Variants in KMT2E observed in about 807,000 individuals in gnomAD.
KMT2E encodes histone reader KMT2E.
A neutral mutation model predicts 184.6 loss-of-function variants in KMT2E; 30 were observed. The observed-to-expected ratio is 0.16, with a 90% CI of 0.12 to 0.22. The LOEUF (loss-of-function observed/expected upper bound fraction) is 0.22, where lower values mean the gene tolerates loss of function less well. KMT2E is among the 10% of genes least tolerant of loss of function. The pLI, the probability that KMT2E is intolerant of heterozygous loss-of-function variation, is 1.00. For missense variants in KMT2E, 2,023 were observed against 2,237.4 expected, an observed-to-expected ratio of 0.90 and a Z score of 1.93; for synonymous variants, 815 against 776.5, an observed-to-expected ratio of 1.05 and a Z score of -0.82.
At chr7:105,047,842 A>G (rs1450789014) in intron 3 of KMT2E, among the ~76,000 whole-genome samples, 4 of 152,212 alleles carry the variant, frequency 2.6e-5, no homozygotes, top group Non-Finnish European at 5.9e-5. Flanking sequence ...AAAATATATA[A>G]AACAGATAAA....
At chr7:105,019,705 C>T (rs896932060) in intron 1 of KMT2E, among the ~76,000 whole-genome samples, 8 of 152,048 alleles carry the variant, frequency 5.3e-5, no homozygotes, top group African/African-American at 1.9e-4. Context: ...TTTATTTTTA[C>T]GACAATTGGA....
chr7:105,087,293 T>G (rs1798022405), intron 13 of KMT2E, among the ~76,000 whole-genome samples: 1 of 147,390 alleles, frequency 6.8e-6, no homozygotes, highest in East Asian at 1.9e-4. Context: ...TGATATAATA[T>G]ATATAATATA....
chr7:105,021,117 A>G (rs1584685315), intron 1 of KMT2E, among the ~76,000 whole-genome samples: 1 of 152,200 alleles, frequency 6.6e-6, no homozygotes, highest in South Asian at 2.1e-4. Flanking sequence ...AGTGGCTGAG[A>G]TGGGAAGATT....
rs1445680545 is a variant in KMT2E, at chr7:105,109,110, G to A, written c.3637G>A (p.Ala1213Thr). The A allele has an allele frequency of 6.2e-7, 1 of 1,614,176 alleles. No homozygotes were observed. Among genetic ancestry groups the A allele is most frequent in the South Asian group, 1.1e-5 (1 of 91,078 alleles). The change falls in exon 23 of 27, where the codon GCT becomes ACT. Residue 1213 changes from alanine to threonine, a missense_variant. By Grantham distance (58) the Ala-to-Thr change is moderately conservative. Around this residue, in one of 8 missense-constraint regions of KMT2E, gnomAD observed 1,108 missense variants for 1,050.9 expected, o/e 1.05. Transcript: ENST00000311117. ...CAATGGGGAGCAGGTGGACCACACT[G>A]CTAGCCTACCTTTACCAACACCAGC... ...NDNGEQVDHT[A>T]SLPLPTPATV... is the part of the protein sequence containing the mutation.
intron 15 of KMT2E, chr7:105,091,716 C>CA (rs761405130): frequency 0.04 from 5,747 of 142,634 alleles, 26 homozygotes; most frequent in East Asian, 0.089. Context: ...ATTGCTTATG[C>CA]AAAAAAAAAA....
intron 13 of KMT2E, among the ~76,000 whole-genome samples, chr7:105,086,894 ATATATAT>A (rs1797990130): frequency 1.2e-5 from 1 of 80,214 alleles, no homozygotes; most frequent in African/African-American, 1.3e-4. Context: ...ATATTATAGC[ATATATAT>A]TATATATTAT....
intron 13 of KMT2E, among the ~76,000 whole-genome samples, chr7:105,083,034 C>T (rs766182629): frequency 6.6e-6 from 1 of 152,152 alleles, no homozygotes; most frequent in Non-Finnish European, 1.5e-5. Flanking sequence ...CTGTATTCTT[C>T]CTTCATCCCC....
chr7:105,108,046 T>C (rs1165463462), intron 22 of KMT2E, 121 bp downstream of exon 22: 7 of 642,226 alleles, frequency 1.1e-5, no homozygotes, highest in Non-Finnish European at 1.6e-5. Flanking sequence ...TAAAGTTACA[T>C]TTTTAATATT....
rs1418474415 is a variant in KMT2E, at chr7:105,051,088, TC to T, written c.71+10066del. 2.9e-3 allele frequency among the ~76,000 whole-genome samples: 400 copies of T among 138,622 alleles called. 3 individuals are homozygous for T. The highest frequency in any genetic ancestry group is 4.2e-3 in the Non-Finnish European group (257 of 61,600). The allele number at this position is 138,622 out of a possible 152,430, so 90.9% of individuals were successfully genotyped here. On this transcript the variant is annotated intron_variant, in intron 3 of 26. Transcript: ENST00000311117. ...CTTTCTTTCTTTCTTCTTCTTTCTTTCTTTTTTCTCTCTCTCTCTCTTTCTT... is the reference window on the plus strand; with the variant it reads ...CTTTCTTTCTTTCTTCTTCTTTCTTTTTTTTTCTCTCTCTCTCTCTTTCTT...
At chr7:105,072,490 A>G (rs972453127) in intron 6 of KMT2E, among the ~76,000 whole-genome samples, 1 of 152,172 alleles carries the variant, frequency 6.6e-6, no homozygotes, top group Non-Finnish European at 1.5e-5. Context: ...AATAATCTAG[A>G]GCTCTTATTT....
chr7:105,048,039 G>C (rs184316599), intron 3 of KMT2E, among the ~76,000 whole-genome samples: 3 of 151,636 alleles, frequency 2.0e-5, no homozygotes, highest in African/African-American at 4.8e-5. Context: ...CTTTTTTTTG[G>C]GGGGTGGATA....
intron 12 of KMT2E, among the ~76,000 whole-genome samples, chr7:105,080,134 A>C (rs925902275): frequency 1.5e-4 from 23 of 152,172 alleles, no homozygotes; most frequent in African/African-American, 4.8e-4. Flanking sequence ...GGCATGAGCC[A>C]CCAGGTCCAG....
At chr7:105,016,779 T>C (rs73718216) in intron 1 of KMT2E, among the ~76,000 whole-genome samples, 1,601 of 152,326 alleles carry the variant, frequency 0.011, 21 homozygotes, top group African/African-American at 0.037. Flanking sequence ...TTCATGATTC[T>C]TTTATTCCAT....
chr7:105,052,650 C>G (rs1333350456), intron 3 of KMT2E, among the ~76,000 whole-genome samples: 2 of 152,092 alleles, frequency 1.3e-5, no homozygotes, highest in African/African-American at 2.4e-5. Context: ...CTTCTGCATC[C>G]TGGGTTCAAG....
At position 105,106,019 on chromosome 7, in the gene KMT2E, CAG is replaced by C. The variant is rs764139020; in HGVS notation, c.2596+19_2596+20del. The C allele has an allele frequency of 1.0e-5, 16 of 1,594,680 alleles. No individual in the cohort carries two copies. Among genetic ancestry groups the C allele is most frequent in the African/African-American group, 9.5e-5 (7 of 73,398 alleles). ...TCCCTTCCAGGTAGAATTTTTTTTT[CAG>C]AGTTTTGGTTTGAGAAATGTGGCAG... On this transcript the variant is annotated intron_variant, in intron 19 of 26. Transcript: ENST00000311117.
chr7:105,024,299 T>C (rs754764330), intron 1 of KMT2E, among the ~76,000 whole-genome samples: 4 of 152,336 alleles, frequency 2.6e-5, no homozygotes, highest in Non-Finnish European at 4.4e-5. Flanking sequence ...TCTTAACAGA[T>C]TGATGGAAGT....
chr7:105,024,325 A>G (rs1047482071), intron 1 of KMT2E, among the ~76,000 whole-genome samples: 1 of 152,188 alleles, frequency 6.6e-6, no homozygotes, highest in Non-Finnish European at 1.5e-5. Flanking sequence ...TTGTAGTACT[A>G]CTAAGTCTTA....
At chr7:105,108,478 T>C in intron 22 of KMT2E, 1 of 429,048 alleles carries the variant, frequency 2.3e-6, no homozygotes, top group South Asian at 1.7e-5. Context: ...ACTTATTTTG[T>C]TAGTAGGCTT....
chr7:105,046,152 A>T (rs149380640), intron 3 of KMT2E, among the ~76,000 whole-genome samples: 1 of 152,084 alleles, frequency 6.6e-6, no homozygotes, highest in Non-Finnish European at 1.5e-5. Flanking sequence ...TTAGTACTAT[A>T]CTAATTCTCT....
Sources: gnomAD v4.1 joint callset for allele counts (sites outside exome capture counted in the v4.1 genomes callset) on GRCh38, gnomAD v4.1.1 for gene constraint, gnomAD v4.1.1 regional missense constraint, MANE v1.5 for transcripts, NCBI Gene and HGNC (gene_info 2026-07-23, HGNC 2026-07-21) for gene names.